The following ACAD11 variants were observed in gnomAD, a reference collection of about 807,000 sequenced individuals.
ACAD11 encodes acyl-Coenzyme A dehydrogenase family, member 11.
In ACAD11, 83 loss-of-function variants were observed where a neutral mutation model predicts 102.2. That is an observed-to-expected ratio of 0.81 (90% CI 0.68 to 0.97). The LOEUF (loss-of-function observed/expected upper bound fraction) is 0.97, where lower values mean the gene tolerates loss of function less well. Ranked by LOEUF, ACAD11 falls within the 50% of genes least tolerant of loss-of-function variation. The pLI, the probability that ACAD11 is intolerant of heterozygous loss-of-function variation, is 0.00. For missense variants in ACAD11, 901 were observed against 951.7 expected (o/e 0.95, Z 0.70); for synonymous variants, 324 against 319.8 (o/e 1.01, Z -0.14).
At position 132,595,105 on chromosome 3, in the gene ACAD11, C is replaced by T. The variant is rs528992379; in HGVS notation, c.1621+8124G>A. ...GCTATGGGTCTGGTGGACTGGGAGTCCAGATGGATGAGGGTTATTTTAAGT... is the reference window on the plus strand; with the variant it reads ...GCTATGGGTCTGGTGGACTGGGAGTTCAGATGGATGAGGGTTATTTTAAGT... On this transcript the variant is annotated intron_variant, in intron 13 of 19. Transcript: ENST00000264990. Among the ~76,000 whole-genome samples the T allele has an allele frequency of 1.6e-4, 25 of 152,106 alleles. No individual in the cohort carries two copies. In the South Asian group the frequency reaches 5.0e-3, roughly 30 times the overall value.
At chr3:132,593,978 C>T (rs889958757) in intron 13 of ACAD11, among the ~76,000 whole-genome samples, 13 of 152,206 alleles carry the variant, frequency 8.5e-5, no homozygotes, top group Non-Finnish European at 1.2e-4. Context: ...GATTATTTCA[C>T]GTATTTTGTC....
rs1183786434 is a variant in ACAD11 at position 132,558,760 on chromosome 3, A to G, written c.*211T>C. On this transcript the variant is annotated 3_prime_UTR_variant, in exon 20 of 20. Transcript: ENST00000264990. ...CAAGGAGGCACTAGATTGAATGACA[A>G]CAGCTACAGCATTTCTTACTGAACT... 1 of 495,256 alleles carries G rather than the reference A, an allele frequency of 2.0e-6. No individual in the cohort carries two copies. The highest frequency in any genetic ancestry group is 2.0e-5 in the African/African-American group (1 of 49,918). The allele number at this position is 495,256 out of a possible 1,614,324, so 30.7% of individuals were successfully genotyped here.
intron 1 of ACAD11, among the ~76,000 whole-genome samples, chr3:132,658,904 A>G (rs1937970394): frequency 6.6e-6 from 1 of 152,220 alleles, no homozygotes; most frequent in Admixed American, 6.5e-5. Context: ...CAGAGTGTTT[A>G]TGTAACATAT....
intron 9 of ACAD11, among the ~76,000 whole-genome samples, chr3:132,620,031 A>G (rs1939551252): frequency 6.6e-6 from 1 of 152,214 alleles, no homozygotes; most frequent in Admixed American, 6.5e-5. Flanking sequence ...TTAATGGGCC[A>G]CATAGGCAGG....
At chr3:132,618,104 G>A (rs1939477218) in intron 11 of ACAD11, 1 of 152,014 alleles carries the variant, frequency 6.6e-6, no homozygotes, top group African/African-American at 2.4e-5. Context: ...TAAGTTTGAA[G>A]TTTACTTATT....
At chr3:132,639,459 T>C (rs780402123) in intron 5 of ACAD11, 33 bp downstream of exon 5, 10 of 1,597,888 alleles carry the variant, frequency 6.3e-6, no homozygotes, top group Non-Finnish European at 8.5e-6. Context: ...AAAACAGACC[T>C]ACTCAATTAA....
chr3:132,612,135 T>G (rs1939181805), intron 11 of ACAD11, among the ~76,000 whole-genome samples: 1 of 152,056 alleles, frequency 6.6e-6, no homozygotes, highest in Non-Finnish European at 1.5e-5. Context: ...AAGGATTCCC[T>G]ATTTAATAAA....
At chr3:132,591,197 G>A (rs896038765) in intron 13 of ACAD11, among the ~76,000 whole-genome samples, 1 of 152,058 alleles carries the variant, frequency 6.6e-6, no homozygotes, top group Non-Finnish European at 1.5e-5. Context: ...TGTAAGGTAC[G>A]GGTCCAGCTT....
intron 13 of ACAD11, 143 bp from the exon 14 acceptor site, chr3:132,579,701 T>C: frequency 1.6e-6 from 1 of 636,614 alleles, no homozygotes; most frequent in South Asian, 2.1e-5. Flanking sequence ...ATAATAATTC[T>C]TTTGTAACAC....
chr3:132,641,596 A>AGAAGAAGAGGAG (rs1374787366), intron 4 of ACAD11, among the ~76,000 whole-genome samples: 11 of 117,520 alleles, frequency 9.4e-5, no homozygotes, highest in East Asian at 3.9e-4. Flanking sequence ...AAGAAGAAGA[A>AGAAGAAGAGGAG]GAAGAAGAGG....
Position 132,626,690 on chromosome 3 carries a change from C to A in ACAD11, c.1197+1G>T. On this transcript the variant is annotated splice_donor_variant, in intron 9 of 19. Transcript: ENST00000264990. LOFTEE classifies it high-confidence loss of function. ...ATACATTCTGCTTATATAATACTCACCTTTTCAGCTGGAAGAATGTGTTGT... is the reference window on the plus strand; with the variant it reads ...ATACATTCTGCTTATATAATACTCAACTTTTCAGCTGGAAGAATGTGTTGT... The A allele has an allele frequency of 6.2e-7, 1 of 1,613,382 alleles. No homozygotes were observed. Among genetic ancestry groups the A allele is most frequent in the Non-Finnish European group, 8.5e-7 (1 of 1,179,900 alleles).
chr3:132,652,854 C>T (rs1045695789), intron 1 of ACAD11, among the ~76,000 whole-genome samples: 1 of 151,996 alleles, frequency 6.6e-6, no homozygotes, highest in Non-Finnish European at 1.5e-5. Context: ...GGAACTCTGC[C>T]GTGTCAAAGT....
intron 11 of ACAD11, among the ~76,000 whole-genome samples, chr3:132,616,243 T>G (rs73860765): frequency 0.015 from 2,335 of 152,310 alleles, 49 homozygotes; most frequent in African/African-American, 0.053. Context: ...TTCAGCAATT[T>G]AGTTATCTCA....
At chr3:132,647,967 AT>A (rs1411954461) in intron 1 of ACAD11, among the ~76,000 whole-genome samples, 4 of 152,076 alleles carry the variant, frequency 2.6e-5, no homozygotes, top group African/African-American at 9.7e-5. Flanking sequence ...TATAACACTA[AT>A]CCCATTCTTG....
intron 5 of ACAD11, among the ~76,000 whole-genome samples, chr3:132,633,041 C>G (rs984462913): frequency 6.6e-6 from 1 of 152,178 alleles, no homozygotes; most frequent in African/African-American, 2.4e-5. Context: ...TTGACTTCCT[C>G]TTTTCCTAAT....
In ACAD11 at chr3:132,559,936, T is replaced by C. The variant is rs747458128; in HGVS notation, c.2125A>G (p.Met709Val). The change falls in exon 19 of 20, where the codon ATG becomes GTG. Residue 709 changes from methionine to valine, a missense_variant. Transcript: ENST00000264990. ...GSAGAKKEIA[M>V]IKVAAPRAVS... is the part of the protein sequence containing the mutation. ...GCCCGTGGGGCAGCCACTTTGATCATTGCAATCTATATAAGCAAAATATGA... is the reference window on the plus strand; with the variant it reads ...GCCCGTGGGGCAGCCACTTTGATCACTGCAATCTATATAAGCAAAATATGA... 5.2e-5 allele frequency: 83 copies of C among 1,611,008 alleles called. No individual in the cohort carries two copies. Among genetic ancestry groups the C allele is most frequent in the South Asian group, 1.2e-4 (11 of 90,696 alleles).
In ACAD11 at chr3:132,575,824, A is replaced by G. The variant is rs985674727; in HGVS notation, c.1949T>C (p.Met650Thr). ...TATCCTTTGTGTTGCCCGCTCACAC[A>G]TGATCTGCAAAGCGCGTTCCGCCAA... ...VGLAERALQIMCERATQRIAF... is the reference protein window; with the variant it reads ...VGLAERALQITCERATQRIAF... Residue 650 changes from methionine (M) to threonine (T), a missense_variant, in exon 17 of 20, where the codon ATG becomes ACG. By Grantham distance (81) the Met-to-Thr change is moderately conservative. Coordinates refer to ENST00000264990, the MANE Select transcript of ACAD11 (RefSeq NM_032169.5). The G allele has an allele frequency of 5.0e-6, 8 of 1,614,106 alleles. No homozygotes were observed. The highest frequency in any genetic ancestry group is 2.7e-5 in the African/African-American group (2 of 75,044).
intron 13 of ACAD11, among the ~76,000 whole-genome samples, chr3:132,594,172 T>C (rs1938201393): frequency 2.0e-5 from 3 of 152,288 alleles, no homozygotes; most frequent in Admixed American, 2.0e-4. Flanking sequence ...AAGGGCTTTG[T>C]ATGTGTCTGA....
chr3:132,621,803 C>A (rs1939617393), intron 9 of ACAD11, among the ~76,000 whole-genome samples: 1 of 151,414 alleles, frequency 6.6e-6, no homozygotes, highest in Non-Finnish European at 1.5e-5. Context: ...CATAATGAAA[C>A]CCTGTCTTTA....
Sources: gnomAD v4.1 joint callset for allele counts (sites outside exome capture counted in the v4.1 genomes callset) on GRCh38, gnomAD v4.1.1 for gene constraint, MANE v1.5 for transcripts, NCBI Gene and HGNC (gene_info 2026-07-23, HGNC 2026-07-21) for gene names.